Variants in ARL6IP6 observed in about 807,000 individuals in gnomAD.
ARL6IP6 encodes the protein ARF like GTPase 6 interacting protein 6.
ARL6IP6 carries 22 observed loss-of-function variants against 21.5 expected under a neutral mutation model. That is an observed-to-expected ratio of 1.02 (90% confidence interval 0.73 to 1.46). The LOEUF (loss-of-function observed/expected upper bound fraction) is 1.46, where lower values mean the gene tolerates loss of function less well. Among genes scored for constraint, ARL6IP6 ranks in the 40% most tolerant of loss-of-function variants. ARL6IP6 has a pLI of 0.00. For synonymous variants in ARL6IP6, 164 were observed against 125.3 expected, an observed-to-expected ratio of 1.31 and a Z score of -2.06; for missense variants, 388 against 299.8, an observed-to-expected ratio of 1.29 and a Z score of -2.17.
rs190221246 is a variant in ARL6IP6 at position 152,721,627 on chromosome 2, G to C, written c.454+1041G>C. ...TCACATGAATCAAGTCATTTGATGT[G>C]ATCACTTTAAATTAAATCATTTGAT... On this transcript the variant is annotated intron_variant, in intron 2 of 3. Transcript: ENST00000326446. 1.2e-3 allele frequency among the ~76,000 whole-genome samples: 186 copies of C among 152,304 alleles called. 2 individuals carry two copies. The highest frequency in any genetic ancestry group is 4.3e-3 in the African/African-American group (179 of 41,558).
At position 152,757,884 on chromosome 2, in the gene ARL6IP6, C is replaced by T. The variant is rs915371848; in HGVS notation, c.588-1863C>T. On this transcript the variant is annotated intron_variant, in intron 3 of 3. Coordinates refer to ENST00000326446, the MANE Select transcript of ARL6IP6 (RefSeq NM_152522.7). The stretch of plus-strand genomic sequence containing the variant: ...TCACTGAACATTTGAGCATGTACAT[C>T]TCAGTAAAATTCAATTCTACCAACA... Among the ~76,000 whole-genome samples, 59 of 152,198 alleles carry T rather than the reference C, an allele frequency of 3.9e-4. 1 individual carries two copies. Among genetic ancestry groups the T allele is most frequent in the African/African-American group, 1.4e-3 (58 of 41,448 alleles).
chr2:152,753,129 A>T (rs993331336), intron 3 of ARL6IP6, among the ~76,000 whole-genome samples: 1 of 151,848 alleles, frequency 6.6e-6, no homozygotes, highest in Non-Finnish European at 1.5e-5. Flanking sequence ...ACAGAGTGAG[A>T]CCCTGTCTCA....
At chr2:152,734,933 GTTTAAT>G in intron 2 of ARL6IP6, 55 bp from the exon 3 acceptor site, 1 of 1,510,766 alleles carries the variant, frequency 6.6e-7, no homozygotes, top group Non-Finnish European at 9.2e-7. Flanking sequence ...GAGAGTACTG[GTTTAAT>G]TTAAATTGTT....
intron 2 of ARL6IP6, chr2:152,732,470 A>G (rs1700362795): frequency 2.5e-6 from 1 of 398,648 alleles, no homozygotes; most frequent in African/African-American, 2.2e-5. Context: ...TTATTCTGCA[A>G]TTGCATTTAA....
intron 2 of ARL6IP6, among the ~76,000 whole-genome samples, chr2:152,723,369 C>T (rs1050801168): frequency 1.3e-5 from 2 of 152,208 alleles, no homozygotes; most frequent in African/African-American, 2.4e-5. Context: ...TTAGGAACCT[C>T]GTAGCCAAAT....
chr2:152,745,567 A>T (rs1701006226), intron 3 of ARL6IP6, among the ~76,000 whole-genome samples: 1 of 152,228 alleles, frequency 6.6e-6, no homozygotes, highest in South Asian at 2.1e-4. Context: ...AACATTGAGC[A>T]CAGTGAATTG....
chr2:152,720,202 C>G, intron 1 of ARL6IP6: 1 of 350,222 alleles, frequency 2.9e-6, no homozygotes. Flanking sequence ...AAGTGGAATT[C>G]CATTGCAGAA....
chr2:152,739,612 A>G (rs995197904), intron 3 of ARL6IP6, among the ~76,000 whole-genome samples: 4 of 152,156 alleles, frequency 2.6e-5, no homozygotes, highest in Middle Eastern at 3.4e-3. Context: ...CTTCTTCTGC[A>G]CCCTCCAAAC....
chr2:152,740,430 A>C (rs531328280), intron 3 of ARL6IP6, among the ~76,000 whole-genome samples: 1 of 152,288 alleles, frequency 6.6e-6, no homozygotes, highest in Non-Finnish European at 1.5e-5. Context: ...AAATGGTGTC[A>C]TATTAGAGCC....
chr2:152,749,961 A>C (rs1160023160), intron 3 of ARL6IP6, among the ~76,000 whole-genome samples: 2 of 152,144 alleles, frequency 1.3e-5, no homozygotes, highest in African/African-American at 2.4e-5. Flanking sequence ...ACATCTTAAC[A>C]ATGTTGATTT....
Position 152,727,825 on chromosome 2 carries a change from A to G in ARL6IP6, c.455-7169A>G, listed in dbSNP as rs778643166. On this transcript the variant is annotated intron_variant, in intron 2 of 3. Coordinates refer to ENST00000326446, the MANE Select transcript of ARL6IP6 (RefSeq NM_152522.7). ...TGTAAGTACGCTCTTGTGATGTACA[A>G]ACAACAACGAAATCACCTAATGATG... 3.3e-5 allele frequency among the ~76,000 whole-genome samples: 5 copies of G among 152,312 alleles called. No individual in the cohort carries two copies. The Middle Eastern group carries it at 0.014, about 414-fold the overall frequency.
At chr2:152,735,356 G>A (rs564023897) in intron 3 of ARL6IP6, among the ~76,000 whole-genome samples, 25 of 151,986 alleles carry the variant, frequency 1.6e-4, no homozygotes, top group Admixed American at 1.1e-3. Context: ...AAATTCAGGG[G>A]CTTATTTCAC....
chr2:152,718,880 A>G lies in ARL6IP6; in HGVS notation c.256A>G (p.Lys86Glu), dbSNP rs1281767915. ...GAACGGGTCGCCCGTTCTGCCCGAT[A>G]AGCGCAATGGTATCTTTCCCGCGGC... ...DGNGSPVLPD[K>E]RNGIFPAAAG... is the part of the protein sequence containing the mutation. Residue 86 changes from lysine (K) to glutamate (E), a missense_variant, in exon 1 of 4, where the codon AAG becomes GAG. Transcript: ENST00000326446. 1 of 1,613,402 alleles carries G rather than the reference A, an allele frequency of 6.2e-7. No individual in the cohort carries two copies. Among genetic ancestry groups the G allele is most frequent in the Non-Finnish European group, 8.5e-7 (1 of 1,179,780 alleles).
chr2:152,727,811 T>C (rs556427153), intron 2 of ARL6IP6, among the ~76,000 whole-genome samples: 1 of 152,348 alleles, frequency 6.6e-6, no homozygotes, highest in Admixed American at 6.5e-5. Context: ...GTAAGTACGC[T>C]CTTGTGATGT....
Position 152,759,838 on chromosome 2 carries a change from T to A in ARL6IP6, c.679T>A (p.Ter227LysextTer30). The A allele has an allele frequency of 6.2e-7, 1 of 1,611,292 alleles. No homozygotes were observed. The highest frequency in any genetic ancestry group is 8.5e-7 in the Non-Finnish European group (1 of 1,177,506). Reference protein sequence around the residue: ...AALTVAWCLM* With the variant: ...AALTVAWCLMK ...TCTTACTGTAGCATGGTGCCTCATG[T>A]AAACCCACACTGGAGCGATATTGTT... The change falls in exon 4 of 4, where the codon TAA (stop) becomes AAA (lysine). Residue 227 changes from the stop codon to lysine, a stop_lost. Transcript: ENST00000326446.
intron 2 of ARL6IP6, among the ~76,000 whole-genome samples, chr2:152,732,234 G>T (rs544195462): frequency 6.6e-6 from 1 of 152,042 alleles, no homozygotes; most frequent in South Asian, 2.1e-4. Flanking sequence ...ACATATATGT[G>T]CATCATTTTA....
chr2:152,720,813 AG>A (rs1482094970), intron 2 of ARL6IP6, among the ~76,000 whole-genome samples: 10 of 152,182 alleles, frequency 6.6e-5, no homozygotes. Context: ...TAATGGGGCC[AG>A]GTGCAGTGGC....
intron 3 of ARL6IP6, among the ~76,000 whole-genome samples, chr2:152,738,835 A>G (rs1700669841): frequency 1.3e-5 from 2 of 152,032 alleles, no homozygotes; most frequent in African/African-American, 4.8e-5. Context: ...GCAAATTGCT[A>G]CAGCTGGCTT....
At chr2:152,719,393 T>C (rs1191246758) in intron 1 of ARL6IP6, among the ~76,000 whole-genome samples, 1 of 152,212 alleles carries the variant, frequency 6.6e-6, no homozygotes, top group Non-Finnish European at 1.5e-5. Context: ...CCATGTTCAA[T>C]GGCCTTCATC....
Sources: allele counts gnomAD v4.1 joint callset (sites outside exome capture counted in the v4.1 genomes callset), GRCh38; gene constraint gnomAD v4.1.1; transcripts MANE v1.5; gene names NCBI Gene and HGNC (gene_info 2026-07-23, HGNC 2026-07-21).